The following CCDC181 variants were observed in gnomAD, a reference collection of about 807,000 sequenced individuals.
CCDC181 encodes coiled-coil domain containing 181, also known as coiled-coil domain-containing protein 181.
CCDC181 carries 35 observed loss-of-function variants against 58.7 expected under a neutral mutation model. The ratio of observed to expected loss-of-function variants is 0.60; its 90% CI spans 0.46 to 0.79. CCDC181 has a LOEUF of 0.79. Ranked by LOEUF, CCDC181 falls within the 30% of genes least tolerant of loss-of-function variation. The pLI is 0.00. For missense variants in CCDC181, 517 were observed against 583.9 expected, an observed-to-expected ratio of 0.89 and a Z score of 1.18; for synonymous variants, 183 against 197.5, an observed-to-expected ratio of 0.93 and a Z score of 0.62.
intron 4 of CCDC181, among the ~76,000 whole-genome samples, chr1:169,412,349 A>C (rs1190227113): frequency 6.6e-6 from 1 of 152,216 alleles, no homozygotes; most frequent in Non-Finnish European, 1.5e-5. Context: ...GGAGACCTAC[A>C]AACCACCACT....
chr1:169,433,234 TATAAA>T (rs1407891474), intron 2 of CCDC181, among the ~76,000 whole-genome samples: 1 of 151,914 alleles, frequency 6.6e-6, no homozygotes, highest in African/African-American at 2.4e-5. Context: ...CAATTTATAA[TATAAA>T]AAAGAATAAA....
At chr1:169,408,747 G>A (rs1285987313) in intron 4 of CCDC181, among the ~76,000 whole-genome samples, 3 of 152,148 alleles carry the variant, frequency 2.0e-5, no homozygotes, top group Non-Finnish European at 4.4e-5. Flanking sequence ...AGCAAACAAG[G>A]TCTGGAGAGG....
At chr1:169,441,539 T>C (rs1388332774) in intron 2 of CCDC181, among the ~76,000 whole-genome samples, 6 of 152,152 alleles carry the variant, frequency 3.9e-5, no homozygotes, top group Non-Finnish European at 8.8e-5. Flanking sequence ...ACACATTCCA[T>C]TTAATGTCTT....
intron 4 of CCDC181, among the ~76,000 whole-genome samples, chr1:169,407,536 G>T (rs1476257539): frequency 6.6e-6 from 1 of 152,052 alleles, no homozygotes; most frequent in Non-Finnish European, 1.5e-5. Context: ...TTGATTATAA[G>T]GCAGAAAAGG....
chr1:169,439,353 A>G (rs1008882967), intron 2 of CCDC181, among the ~76,000 whole-genome samples: 4 of 152,224 alleles, frequency 2.6e-5, no homozygotes, highest in African/African-American at 9.6e-5. Context: ...ACCCTGTGAT[A>G]GGGCTACTGT....
intron 4 of CCDC181, among the ~76,000 whole-genome samples, chr1:169,413,224 A>G (rs1389639438): frequency 6.6e-6 from 1 of 152,200 alleles, no homozygotes; most frequent in African/African-American, 2.4e-5. Flanking sequence ...TGAACAGACA[A>G]TTCTCTAAGA....
intron 2 of CCDC181, among the ~76,000 whole-genome samples, chr1:169,456,212 T>C (rs1657672205): frequency 6.6e-6 from 1 of 152,148 alleles, no homozygotes; most frequent in South Asian, 2.1e-4. Context: ...CTTGCCGAAC[T>C]ATTCAAGAGC....
chr1:169,443,403 C>G (rs1657288474), intron 2 of CCDC181: 1 of 151,952 alleles, frequency 6.6e-6, no homozygotes, highest in South Asian at 2.1e-4. Context: ...TTGTGATCGA[C>G]CTTAACTGAA....
At chr1:169,447,145 C>T (rs1410097255) in intron 2 of CCDC181, among the ~76,000 whole-genome samples, 1 of 152,078 alleles carries the variant, frequency 6.6e-6, no homozygotes, top group African/African-American at 2.4e-5. Context: ...CAGAGTCTTG[C>T]TCTGTCACCT....
At chr1:169,442,406 G>C (rs574861694) in intron 2 of CCDC181, among the ~76,000 whole-genome samples, 1 of 151,814 alleles carries the variant, frequency 6.6e-6, no homozygotes, top group African/African-American at 2.4e-5. Flanking sequence ...AAAAAGTTTT[G>C]TGAGTTAAGT....
rs142621453 is a variant in CCDC181, at chr1:169,421,558, G to T, written c.873C>A (p.Ile291=). The T allele has an allele frequency of 6.2e-7, 1 of 1,614,118 alleles. No homozygotes were observed. The part of the protein sequence containing the change: ...HSSTGEPLAY[I]AQPPLNRKTC... Reference sequence around the variant, plus strand: ...TCTTGCGGTTGAGTGGTGGCTGAGCGATATAAGCCAGCGGCTCTCCTGTTG... The same window carrying T: ...TCTTGCGGTTGAGTGGTGGCTGAGCTATATAAGCCAGCGGCTCTCCTGTTG... Residue 291 remains isoleucine (I), a synonymous_variant, in exon 3 of 6, where the codon ATC becomes ATA. Transcript: ENST00000367806.
At chr1:169,458,916 G>A (rs946404044) in intron 2 of CCDC181, among the ~76,000 whole-genome samples, 4 of 151,434 alleles carry the variant, frequency 2.6e-5, no homozygotes, top group Non-Finnish European at 5.9e-5. Context: ...TCCACCAAAC[G>A]TCCTATTAAC....
upstream of CCDC181, among the ~76,000 whole-genome samples, chr1:169,431,452 A>G (rs557785128): frequency 6.6e-6 from 1 of 152,370 alleles, no homozygotes; most frequent in South Asian, 2.1e-4. Context: ...TGCAATAAAA[A>G]TAAATGAAGT....
chr1:169,423,688 C>G (rs1357765928), intron 2 of CCDC181, among the ~76,000 whole-genome samples: 1 of 151,892 alleles, frequency 6.6e-6, no homozygotes, highest in African/African-American at 2.4e-5. Flanking sequence ...AACAATAAAT[C>G]ATCCCTATTA....
intron 2 of CCDC181, among the ~76,000 whole-genome samples, chr1:169,455,404 C>T (rs988403679): frequency 6.6e-6 from 1 of 151,924 alleles, no homozygotes; most frequent in East Asian, 1.9e-4. Context: ...ATATCAGGCC[C>T]TAGTAATTTC....
intron 2 of CCDC181, chr1:169,442,561 T>C (rs761854601): frequency 1.8e-4 from 28 of 152,132 alleles, no homozygotes; most frequent in Non-Finnish European, 4.0e-4. Flanking sequence ...TTTAAGTAGA[T>C]TACTTTTTGA....
rs986069496 is a variant in CCDC181 at position 169,458,121 on chromosome 1, C to T, written c.-24+1676G>A. ...CTCACTAGTCACAAGTGTCTAGTGG[C>T]TACCATATTGAAAAGTGCTGCTCCA... On this transcript the variant is annotated intron_variant, in intron 2 of 6. Coordinates refer to the CCDC181 transcript ENST00000545005. 2.0e-5 allele frequency among the ~76,000 whole-genome samples: 3 copies of T among 150,500 alleles called. No individual in the cohort carries two copies. In the East Asian group the frequency reaches 5.8e-4, roughly 29 times the overall value.
chr1:169,449,814 T>G (rs1657483647), intron 2 of CCDC181, among the ~76,000 whole-genome samples: 1 of 152,192 alleles, frequency 6.6e-6, no homozygotes, highest in African/African-American at 2.4e-5. Flanking sequence ...AGATTGAGTG[T>G]GGGTCTGCCT....
At chr1:169,421,134 C>T (rs1005169591) in intron 3 of CCDC181, among the ~76,000 whole-genome samples, 8 of 152,108 alleles carry the variant, frequency 5.3e-5, no homozygotes, top group South Asian at 2.1e-4. Flanking sequence ...CTGAGATCTC[C>T]GCTAACACAG....
Sources: gnomAD v4.1 joint callset for allele counts (sites outside exome capture counted in the v4.1 genomes callset) on GRCh38, gnomAD v4.1.1 for gene constraint, MANE v1.5 for transcripts, NCBI Gene and HGNC (gene_info 2026-07-23, HGNC 2026-07-21) for gene names.